Variants in MYRFL observed in about 807,000 individuals in gnomAD.
MYRFL encodes the protein myelin regulatory factor like.
Under a neutral mutation model 109.4 loss-of-function variants are expected in MYRFL, and 88 were observed. The ratio of observed to expected loss-of-function variants is 0.80; its 90% CI spans 0.68 to 0.96. MYRFL has a LOEUF of 0.96. MYRFL is among the 40% of genes least tolerant of loss of function. The pLI is 0.00. For synonymous variants in MYRFL, 324 were observed against 320.9 expected (o/e 1.01, Z -0.10); for missense variants, 957 against 954.9 (o/e 1.00, Z -0.03).
At chr12:69,859,452 T>A (rs1227861767) in intron 2 of MYRFL, among the ~76,000 whole-genome samples, 1 of 152,200 alleles carries the variant, frequency 6.6e-6, no homozygotes, top group Non-Finnish European at 1.5e-5. Flanking sequence ...AGTCTTCAAG[T>A]GTGATTGTGG....
In MYRFL at chr12:69,825,299, A is replaced by G. The variant is rs1436263346; in HGVS notation, c.-219A>G. 1 of 683,720 alleles carries G rather than the reference A, an allele frequency of 1.5e-6. No individual in the cohort carries two copies. The highest frequency in any genetic ancestry group is 2.1e-5 in the Admixed American group (1 of 47,526). The allele number at this position is 683,720 out of a possible 1,614,324, so 42.4% of individuals were successfully genotyped here. ...TTCCCTCTTCATGAATTTTTTTTAAATGTATGGTTGTATATCCTTCCAGTT... is the reference window on the plus strand; with the variant it reads ...TTCCCTCTTCATGAATTTTTTTTAAGTGTATGGTTGTATATCCTTCCAGTT... On this transcript the variant is annotated 5_prime_UTR_variant, in exon 1 of 25. The change abolishes an upstream ATG in the 5' untranslated region. Coordinates refer to ENST00000552032, the MANE Select transcript of MYRFL (RefSeq NM_182530.3).
rs74217724 is a variant in MYRFL, at chr12:69,891,698, T to G, written c.903+532T>G. Among the ~76,000 whole-genome samples, 630 of 134,678 alleles carry G rather than the reference T, an allele frequency of 4.7e-3. 16 individuals carry two copies. Among genetic ancestry groups the G allele is most frequent in the East Asian group, 0.024 (107 of 4,406 alleles). The allele number at this position is 134,678 out of a possible 152,430, so 88.4% of individuals were successfully genotyped here. A position where few individuals can be genotyped will look rare whatever the true frequency, so the allele number is the denominator to read the frequency against. On this transcript the variant is annotated intron_variant, in intron 7 of 24. Transcript: ENST00000552032. The stretch of plus-strand genomic sequence containing the variant: ...CTTTCTTTCTTTCGTTCGTTCGTTC[T>G]TTCTTTCTTTTTTTCTTTGAGACAT...
intron 11 of MYRFL, among the ~76,000 whole-genome samples, chr12:69,907,956 GC>G (rs1158024621): frequency 6.6e-6 from 1 of 152,038 alleles, no homozygotes; most frequent in African/African-American, 2.4e-5. Context: ...GACCTGCAAG[GC>G]CCTCCCTGCT....
intron 21 of MYRFL, among the ~76,000 whole-genome samples, chr12:69,953,516 A>G (rs1956028190): frequency 6.6e-6 from 1 of 152,128 alleles, no homozygotes; most frequent in South Asian, 2.1e-4. Flanking sequence ...CTGTAGTTTC[A>G]GCACTTTGGG....
chr12:69,875,546 T>C (rs1270234532), intron 2 of MYRFL, among the ~76,000 whole-genome samples: 1 of 152,172 alleles, frequency 6.6e-6, no homozygotes, highest in Non-Finnish European at 1.5e-5. Flanking sequence ...GAGCAGTTTT[T>C]CCAACCCCTG....
At chr12:69,847,442 T>G (rs1482809911) in intron 1 of MYRFL, among the ~76,000 whole-genome samples, 1 of 152,214 alleles carries the variant, frequency 6.6e-6, no homozygotes, top group East Asian at 1.9e-4. Context: ...ACTTCTTTTA[T>G]AACTTTATGA....
rs565514763 is a variant in MYRFL, at chr12:69,919,664, A to T, written c.1603-6907A>T. Among the ~76,000 whole-genome samples the T allele has an allele frequency of 2.6e-5, 4 of 152,292 alleles. No homozygotes were observed. In the East Asian group the frequency reaches 7.7e-4, roughly 29 times the overall value. ...CTCCACAAAATAAACTCCTGGACAAAAATCTAAAGCTGAGTTTATTCAAAG... is the reference window on the plus strand; with the variant it reads ...CTCCACAAAATAAACTCCTGGACAATAATCTAAAGCTGAGTTTATTCAAAG... On this transcript the variant is annotated intron_variant, in intron 13 of 24. Coordinates refer to ENST00000552032, the MANE Select transcript of MYRFL (RefSeq NM_182530.3).
chr12:69,908,175 G>A (rs1256163890), intron 11 of MYRFL, among the ~76,000 whole-genome samples: 5 of 152,142 alleles, frequency 3.3e-5, no homozygotes, highest in African/African-American at 9.7e-5. Flanking sequence ...TATTAGCTGA[G>A]CACCTACAAC....
intron 14 of MYRFL, among the ~76,000 whole-genome samples, chr12:69,927,038 A>G (rs1026620908): frequency 7.5e-6 from 1 of 132,796 alleles, no homozygotes; most frequent in Non-Finnish European, 1.5e-5. Context: ...TCCTTCTCCC[A>G]GATTCAAGGG....
chr12:69,893,529 C>T (rs1434824929), intron 7 of MYRFL, among the ~76,000 whole-genome samples: 1 of 152,170 alleles, frequency 6.6e-6, no homozygotes, highest in Non-Finnish European at 1.5e-5. Flanking sequence ...ACCTGAAATA[C>T]TCTGTTGTCT....
chr12:69,929,925 A>C (rs777023439), intron 15 of MYRFL, among the ~76,000 whole-genome samples: 5 of 152,264 alleles, frequency 3.3e-5, no homozygotes, highest in Non-Finnish European at 7.3e-5. Flanking sequence ...GGTGCATGGC[A>C]CATAGAAAGT....
At chr12:69,864,459 G>T (rs1884889375) in intron 2 of MYRFL, among the ~76,000 whole-genome samples, 1 of 151,868 alleles carries the variant, frequency 6.6e-6, no homozygotes, top group Admixed American at 6.6e-5. Context: ...CAGCATACCT[G>T]CAAATACCCC....
chr12:69,932,112 C>T (rs960449035), intron 15 of MYRFL, among the ~76,000 whole-genome samples: 14 of 152,170 alleles, frequency 9.2e-5, no homozygotes, highest in Admixed American at 6.5e-5. Context: ...GAATTCATCT[C>T]TTCATGTCTT....
chr12:69,832,944 TTGTGTGTGTGTGTGTGTG>T (rs57702116), intron 1 of MYRFL, among the ~76,000 whole-genome samples: 21 of 143,822 alleles, frequency 1.5e-4, no homozygotes, highest in South Asian at 7.1e-4. Context: ...AGGAACAGGC[TTGTGTGTGTGTGTGTGTG>T]TGTGTGTGTG....
At chr12:69,859,960 A>AGAGGTACATATGCAGGATGTACAGAC (rs1160166734) in intron 2 of MYRFL, among the ~76,000 whole-genome samples, 2 of 152,080 alleles carry the variant, frequency 1.3e-5, no homozygotes, top group African/African-American at 4.8e-5. Context: ...TTTTAAGTTC[A>AGAGGTACATATGCAGGATGTACAGAC]GAGGTACATA....
At chr12:69,840,566 C>G (rs894215546) in intron 1 of MYRFL, among the ~76,000 whole-genome samples, 6 of 152,214 alleles carry the variant, frequency 3.9e-5, no homozygotes, top group African/African-American at 1.4e-4. Context: ...GTGCTGCTCA[C>G]TGTTGTATCC....
chr12:69,955,970 C>A (rs1241326660), intron 22 of MYRFL, among the ~76,000 whole-genome samples: 2 of 152,016 alleles, frequency 1.3e-5, no homozygotes, highest in African/African-American at 4.8e-5. Context: ...GTTTCTTTAT[C>A]TGTAATATAA....
At chr12:69,896,726 G>A (rs1954006330) in intron 9 of MYRFL, among the ~76,000 whole-genome samples, 1 of 152,222 alleles carries the variant, frequency 6.6e-6, no homozygotes, top group African/African-American at 2.4e-5. Context: ...CAGGCCATGT[G>A]GCTTCTGGGG....
intron 1 of MYRFL, among the ~76,000 whole-genome samples, chr12:69,842,873 C>T: frequency 6.6e-6 from 1 of 152,226 alleles, no homozygotes; most frequent in Admixed American, 6.5e-5. Flanking sequence ...CATTACTTAA[C>T]ACCTTGCATT....
Sources: allele counts gnomAD v4.1 joint callset (sites outside exome capture counted in the v4.1 genomes callset), GRCh38; gene constraint gnomAD v4.1.1; transcripts MANE v1.5; gene names NCBI Gene and HGNC (gene_info 2026-07-23, HGNC 2026-07-21).